The following SLC9C1 variants were observed in gnomAD, a reference collection of about 807,000 sequenced individuals.
The protein encoded by SLC9C1 is sodium/hydrogen exchanger 10.
Under a neutral mutation model 140.9 loss-of-function variants are expected in SLC9C1, and 97 were observed. That is an observed-to-expected ratio of 0.69 (90% CI 0.58 to 0.82). The LOEUF (loss-of-function observed/expected upper bound fraction) is 0.82. Among genes scored for constraint, SLC9C1 ranks in the 40% least tolerant of loss-of-function variants. The pLI, the probability that SLC9C1 is intolerant of heterozygous loss-of-function variation, is 0.00. For synonymous variants in SLC9C1, 440 were observed against 442.6 expected, an observed-to-expected ratio of 0.99 and a Z score of 0.07; for missense variants, 1,340 against 1,389.3, an observed-to-expected ratio of 0.96 and a Z score of 0.56.
At position 112,181,509 on chromosome 3, in the gene SLC9C1, G is replaced by T. The variant is rs185216082; in HGVS notation, c.2649+624C>A. Among the ~76,000 whole-genome samples, 642 of 152,288 alleles carry T rather than the reference G, an allele frequency of 4.2e-3. 1 individual carries two copies. The highest frequency in any genetic ancestry group is 6.6e-3 in the Non-Finnish European group (448 of 68,018). On this transcript the variant is annotated intron_variant, in intron 21 of 28. Transcript: ENST00000305815. ...GCTCATTCCACAAGCACTTAACTGA[G>T]CATCCACTATGCATTATGCAAAGTG...
chr3:112,179,025 A>G (rs1224547675), intron 23 of SLC9C1, among the ~76,000 whole-genome samples: 1 of 152,220 alleles, frequency 6.6e-6, no homozygotes, highest in African/African-American at 2.4e-5. Flanking sequence ...TAGCATCATT[A>G]TCAATGTATG....
chr3:112,154,926 G>C, intron 27 of SLC9C1, 71 bp downstream of exon 27: 1 of 1,390,424 alleles, frequency 7.2e-7, no homozygotes, highest in East Asian at 2.3e-5. Context: ...GAAACACATT[G>C]GTAGTTTCCA....
At chr3:112,190,906 G>A (rs2077644619) in intron 20 of SLC9C1, among the ~76,000 whole-genome samples, 1 of 142,476 alleles carries the variant, frequency 7.0e-6, no homozygotes, top group Non-Finnish European at 1.5e-5. Flanking sequence ...TAAATTTTAT[G>A]CAGTAATTTT....
intron 13 of SLC9C1, among the ~76,000 whole-genome samples, 171 bp downstream of exon 13, chr3:112,231,190 T>C (rs1333953980): frequency 2.1e-5 from 3 of 143,092 alleles, no homozygotes; most frequent in Non-Finnish European, 3.0e-5. Flanking sequence ...TTCTTTCCTC[T>C]CTCTCTTTCT....
chr3:112,188,004 A>G (rs2107982264), intron 20 of SLC9C1, among the ~76,000 whole-genome samples: 1 of 152,036 alleles, frequency 6.6e-6, no homozygotes, highest in South Asian at 2.1e-4. Flanking sequence ...TTATGTTTCC[A>G]TATATGTTTC....
intron 23 of SLC9C1, among the ~76,000 whole-genome samples, chr3:112,178,305 A>T (rs2077377163): frequency 6.8e-6 from 1 of 147,324 alleles, no homozygotes; most frequent in South Asian, 2.1e-4. Context: ...TGCCTGGCTA[A>T]TTTTTTTTTT....
At chr3:112,251,847 A>G (rs2079468077) in intron 10 of SLC9C1, among the ~76,000 whole-genome samples, 1 of 152,032 alleles carries the variant, frequency 6.6e-6, no homozygotes, top group Non-Finnish European at 1.5e-5. Flanking sequence ...CTGGGTATCC[A>G]TGCTTCTCCC....
intron 13 of SLC9C1, among the ~76,000 whole-genome samples, 193 bp downstream of exon 13, chr3:112,231,166 TTC>T (rs2078814786): frequency 7.0e-6 from 1 of 142,992 alleles, no homozygotes; most frequent in African/African-American, 2.8e-5. Flanking sequence ...TTCTTTCTCT[TTC>T]TTTCTTTTTC....
At chr3:112,162,200 A>G (rs1484949869) in intron 26 of SLC9C1, among the ~76,000 whole-genome samples, 2 of 152,192 alleles carry the variant, frequency 1.3e-5, no homozygotes, top group African/African-American at 2.4e-5. Flanking sequence ...TAGATATACA[A>G]TCATGTCATC....
intron 1 of SLC9C1, among the ~76,000 whole-genome samples, chr3:112,293,797 A>G (rs1463919120): frequency 6.6e-6 from 1 of 152,188 alleles, no homozygotes; most frequent in African/African-American, 2.4e-5. Context: ...TTTCAGTTTC[A>G]GTAACGCAAA....
intron 12 of SLC9C1, among the ~76,000 whole-genome samples, chr3:112,238,893 A>T (rs557467388): frequency 6.6e-6 from 1 of 152,170 alleles, no homozygotes; most frequent in African/African-American, 2.4e-5. Flanking sequence ...CGGTTAGGCT[A>T]TTCAGGGGTC....
At chr3:112,264,380 T>C in intron 8 of SLC9C1, 37 bp from the exon 9 acceptor site, 1 of 1,205,832 alleles carries the variant, frequency 8.3e-7, no homozygotes, top group Non-Finnish European at 1.1e-6. Context: ...TATTTATAAT[T>C]AATTAATTTG....
intron 26 of SLC9C1, among the ~76,000 whole-genome samples, chr3:112,166,479 C>T (rs975454651): frequency 6.6e-6 from 1 of 152,330 alleles, no homozygotes; most frequent in Middle Eastern, 3.4e-3. Flanking sequence ...TCATGGTGGA[C>T]AGCACCTCTT....
At chr3:112,274,841 C>G in intron 6 of SLC9C1, 56 bp downstream of exon 6, 1 of 1,373,362 alleles carries the variant, frequency 7.3e-7, no homozygotes, top group Non-Finnish European at 9.7e-7. Context: ...TACACATCAG[C>G]TTTCAGAAAA....
intron 19 of SLC9C1, among the ~76,000 whole-genome samples, chr3:112,200,503 A>G (rs1456036267): frequency 6.6e-6 from 1 of 152,122 alleles, no homozygotes; most frequent in East Asian, 1.9e-4. Context: ...TCATTGTTGC[A>G]TGAAGCAGAG....
rs2079917088 is a variant in SLC9C1, at chr3:112,266,279, A to G, written c.837T>C (p.Ser279=). Residue 279 remains serine, a synonymous_variant, in exon 8 of 29, where the codon TCT becomes TCC. Transcript: ENST00000305815. The part of the protein sequence containing the change: ...TLAIVGLLLN[S]TSFKAAIEET... ...CTTCAATTGCTGCTTTAAAACTTGT[A>G]GAATTTAAAAGAAGTCCCACAATGG... 6.2e-7 allele frequency: 1 copy of G among 1,611,096 alleles called. No individual in the cohort carries two copies. The highest frequency in any genetic ancestry group is 8.5e-7 in the Non-Finnish European group (1 of 1,178,902).
chr3:112,172,792 A>G (rs774138828), intron 23 of SLC9C1, among the ~76,000 whole-genome samples: 1 of 152,048 alleles, frequency 6.6e-6, no homozygotes, highest in Non-Finnish European at 1.5e-5. Context: ...ATCTACTTGA[A>G]TATCTTATAT....
At chr3:112,235,797 A>C (rs6767914) in intron 12 of SLC9C1, among the ~76,000 whole-genome samples, 89,822 of 151,844 alleles carry the variant, frequency 0.59, 27,089 homozygotes, top group East Asian at 0.79. Flanking sequence ...GTTGAACCAG[A>C]CTTGCATCCC....
intron 13 of SLC9C1, among the ~76,000 whole-genome samples, chr3:112,227,862 GA>G (rs2078722913): frequency 6.6e-6 from 1 of 151,980 alleles, no homozygotes; most frequent in Non-Finnish European, 1.5e-5. Flanking sequence ...CCATGAAAAT[GA>G]AAGACCTCTA....
Sources: allele counts gnomAD v4.1 joint callset (sites outside exome capture counted in the v4.1 genomes callset), GRCh38; gene constraint gnomAD v4.1.1; transcripts MANE v1.5; gene names NCBI Gene and HGNC (gene_info 2026-07-23, HGNC 2026-07-21).